Variants in TRAF6 observed in about 807,000 individuals in gnomAD.
TRAF6 encodes TNF receptor-associated factor 6.
TRAF6 carries 10 observed loss-of-function variants against 48.4 expected under a neutral mutation model. That is an observed-to-expected ratio of 0.21 (90% confidence interval 0.13 to 0.35). The LOEUF is 0.35. TRAF6 is among the 10% of genes least tolerant of loss of function. The pLI, the probability that TRAF6 is intolerant of heterozygous loss-of-function variation, is 1.00. For synonymous variants in TRAF6, 186 were observed against 219.6 expected, an observed-to-expected ratio of 0.85 and a Z score of 1.35; for missense variants, 397 against 661.0, an observed-to-expected ratio of 0.60 and a Z score of 4.38.
intron 2 of TRAF6, 128 bp from the exon 3 acceptor site, chr11:36,498,768 T>G (rs139592689): frequency 0.011 from 10,726 of 999,478 alleles, 82 homozygotes; most frequent in Non-Finnish European, 0.013. Flanking sequence ...ACATATTATA[T>G]TGCAGGTCAC....
At chr11:36,507,172 C>T (rs1380056122) in intron 1 of TRAF6, among the ~76,000 whole-genome samples, 1 of 113,500 alleles carries the variant, frequency 8.8e-6, no homozygotes, top group Non-Finnish European at 1.8e-5. Context: ...ATTATACATA[C>T]ATAAATGTAT....
Position 36,490,756 on chromosome 11 carries a change from C to A in TRAF6, c.757-106G>T. The A allele has an allele frequency of 1.0e-6, 1 of 958,672 alleles. No homozygotes were observed. The highest frequency in any genetic ancestry group is 1.6e-5 in the African/African-American group (1 of 61,066). 59.4% of individuals were successfully genotyped at this position (958,672 alleles called of 1,614,324 possible). A position where few individuals can be genotyped will look rare whatever the true frequency, so the allele number is the denominator to read the frequency against. The stretch of plus-strand genomic sequence containing the variant: ...GTTTTCAAGTAGTCACACCACTTCC[C>A]TCAATTCTCTACAATTTTCCTTTGC... On this transcript the variant is annotated intron_variant, in intron 6 of 6. Coordinates refer to ENST00000526995, the MANE Select transcript of TRAF6 (RefSeq NM_004620.4). The surrounding 1 kb of genome is among the most constrained non-coding windows in gnomAD (Gnocchi z 6.4).
chr11:36,492,498 G>T, intron 6 of TRAF6, 53 bp downstream of exon 6: 2 of 1,368,378 alleles, frequency 1.5e-6, no homozygotes, highest in Non-Finnish European at 2.0e-6. Flanking sequence ...ACTACATGAT[G>T]TAAATATTTT....
At chr11:36,499,628 A>G (rs1859689389) in intron 2 of TRAF6, among the ~76,000 whole-genome samples, 1 of 152,184 alleles carries the variant, frequency 6.6e-6, no homozygotes, top group South Asian at 2.1e-4. Context: ...GGTTGAGAAA[A>G]ATCTACCCAA....
In TRAF6 at chr11:36,490,621, T is replaced by A. The variant is rs145506174; in HGVS notation, c.786A>T (p.Leu262=). The change falls in exon 7 of 7, where the codon CTA becomes CTT. Residue 262 remains leucine (L), a synonymous_variant. Coordinates refer to ENST00000526995, the MANE Select transcript of TRAF6 (RefSeq NM_004620.4). The surrounding 1 kb of genome is among the most constrained non-coding windows in gnomAD (Gnocchi z 6.4). ...KMQRNHLARH[L]QENTQSHMRM... is the part of the protein sequence containing the mutation. ...TCATGTGTGACTGGGTGTTCTCTTG[T>A]AGGTGGCGTGCCAAGTGATTCCTCT... 1 of 1,611,406 alleles carries A rather than the reference T, an allele frequency of 6.2e-7. No individual in the cohort carries two copies. The highest frequency in any genetic ancestry group is 1.1e-5 in the South Asian group (1 of 90,986).
At chr11:36,507,998 G>A (rs1041147842) in intron 1 of TRAF6, among the ~76,000 whole-genome samples, 1 of 151,488 alleles carries the variant, frequency 6.6e-6, no homozygotes, top group African/African-American at 2.4e-5. Context: ...TGGGACTACA[G>A]GTGTGTGCCA....
chr11:36,491,374 A>G (rs929008375), intron 6 of TRAF6, among the ~76,000 whole-genome samples: 24 of 152,334 alleles, frequency 1.6e-4, no homozygotes, highest in African/African-American at 5.5e-4. Context: ...GGTGTTACCT[A>G]ATATCTCACC....
intron 1 of TRAF6, among the ~76,000 whole-genome samples, chr11:36,504,908 T>C (rs888726756): frequency 3.9e-5 from 6 of 152,196 alleles, no homozygotes; most frequent in Admixed American, 2.0e-4. Flanking sequence ...ATTAGGTGCA[T>C]TGTTAATGAG....
intron 4 of TRAF6, 79 bp from the exon 5 acceptor site, chr11:36,495,126 A>G (rs1029769909): frequency 9.6e-6 from 10 of 1,043,254 alleles, no homozygotes; most frequent in South Asian, 8.0e-5. Context: ...ATAAAAAGCA[A>G]TTTTTCACTA....
Position 36,497,193 on chromosome 11 carries a change from A to G in TRAF6, c.521T>C (p.Ile174Thr). 1 of 1,614,110 alleles carries G rather than the reference A, an allele frequency of 6.2e-7. No homozygotes were observed. Among genetic ancestry groups the G allele is most frequent in the Non-Finnish European group, 8.5e-7 (1 of 1,179,980 alleles). The change falls in exon 4 of 7, where the codon ATT becomes ACT. Residue 174 changes from isoleucine (I) to threonine (T), a missense_variant. Physicochemically the swap from Ile to Thr is moderately conservative, Grantham distance 89. Around this residue, in one of 4 missense-constraint regions of TRAF6, gnomAD observed 245 missense variants for 349.1 expected, o/e 0.70. Transcript: ENST00000526995. ...QCQRPFQKFH[I>T]NIHILKDCPR... ...ACAATCCTTCAGAATGTGAATATTA[A>G]TATGGAATTTTTGGAAGGGACGCTG...
intron 4 of TRAF6, among the ~76,000 whole-genome samples, chr11:36,495,818 G>A (rs531908574): frequency 1.6e-3 from 238 of 152,258 alleles, no homozygotes; most frequent in African/African-American, 5.4e-3. Context: ...CTTGAACCCA[G>A]GAGGCAGAGG....
chr11:36,502,336 C>A (rs1225598178), intron 1 of TRAF6, among the ~76,000 whole-genome samples: 1 of 152,072 alleles, frequency 6.6e-6, no homozygotes. Flanking sequence ...GTTTTGTTTG[C>A]CTATGGAAAA....
At chr11:36,508,308 T>C (rs1477332469) in intron 1 of TRAF6, among the ~76,000 whole-genome samples, 1 of 151,970 alleles carries the variant, frequency 6.6e-6, no homozygotes, top group African/African-American at 2.4e-5. Flanking sequence ...TGATAAGCAC[T>C]ACCTTAAAGA....
chr11:36,495,111 T>A (rs1389043162), intron 4 of TRAF6, 64 bp from the exon 5 acceptor site: 1 of 1,329,452 alleles, frequency 7.5e-7, no homozygotes, highest in Non-Finnish European at 1.1e-6. Context: ...AAACAACTAA[T>A]TTTGATAAAA....
At chr11:36,507,845 T>C (rs1484130786) in intron 1 of TRAF6, among the ~76,000 whole-genome samples, 1 of 147,700 alleles carries the variant, frequency 6.8e-6, no homozygotes, top group Non-Finnish European at 1.5e-5. Context: ...TGTGTATATA[T>C]ATACATATAT....
intron 3 of TRAF6, among the ~76,000 whole-genome samples, chr11:36,497,815 T>C (rs982959434): frequency 2.6e-4 from 39 of 151,956 alleles, no homozygotes; most frequent in Non-Finnish European, 3.8e-4. Flanking sequence ...ACTGAGATGA[T>C]TACTTGGGAA....
intron 1 of TRAF6, among the ~76,000 whole-genome samples, chr11:36,504,992 C>T (rs5030497): frequency 1.3e-5 from 2 of 152,186 alleles, no homozygotes; most frequent in Non-Finnish European, 2.9e-5. Context: ...CAGTAAACTA[C>T]GCTGTAAACA....
rs1391989382 is a variant in TRAF6, at chr11:36,486,193, T to C, written c.*3645A>G. On this transcript the variant is annotated 3_prime_UTR_variant, in exon 7 of 7. Transcript: ENST00000526995. The stretch of plus-strand genomic sequence containing the variant: ...AAGCTGGGATTACAGGCATGTATCA[T>C]GACACCTGGCTAATTTTTGTATTTT... Among the ~76,000 whole-genome samples, 1 of 152,080 alleles carries C rather than the reference T, an allele frequency of 6.6e-6. No homozygotes were observed.
chr11:36,495,436 A>G (rs1251378140), intron 4 of TRAF6, among the ~76,000 whole-genome samples: 1 of 152,210 alleles, frequency 6.6e-6, no homozygotes, highest in Non-Finnish European at 1.5e-5. Context: ...TTGTCAGTAG[A>G]GTTAAAGAAC....
Sources: allele counts gnomAD v4.1 joint callset (sites outside exome capture counted in the v4.1 genomes callset), GRCh38; gene constraint gnomAD v4.1.1; regional missense constraint gnomAD v4.1.1; non-coding constraint Gnocchi (gnomAD v3.1); transcripts MANE v1.5; gene names NCBI Gene and HGNC (gene_info 2026-07-23, HGNC 2026-07-21).